The following FBLN2 variants were observed in gnomAD, a reference collection of about 807,000 sequenced individuals.
The protein encoded by FBLN2 is fibulin 2, also known as fibulin-2.
A neutral mutation model predicts 123.7 loss-of-function variants in FBLN2; 81 were observed. The observed-to-expected ratio is 0.65, with a 90% CI of 0.55 to 0.79. FBLN2 has a LOEUF of 0.79. Ranked by LOEUF, FBLN2 falls within the 30% of genes least tolerant of loss-of-function variation. The pLI, the probability that FBLN2 is intolerant of heterozygous loss-of-function variation, is 0.00. For missense variants in FBLN2, 1,603 were observed against 1,681.3 expected (o/e 0.95, Z 0.81); for synonymous variants, 699 against 701.4 (o/e 1.00, Z 0.05).
At chr3:13,606,642 A>G (rs537675482) in intron 2 of FBLN2, among the ~76,000 whole-genome samples, 131 of 148,766 alleles carry the variant, frequency 8.8e-4, no homozygotes, top group Non-Finnish European at 8.6e-4. Context: ...TATATGTTAT[A>G]TATATTATAT....
chr3:13,572,474 C>A (rs879744353), intron 2 of FBLN2, among the ~76,000 whole-genome samples: 1 of 152,258 alleles, frequency 6.6e-6, no homozygotes, highest in Non-Finnish European at 1.5e-5. Flanking sequence ...CTGGAAGGCC[C>A]TGGAGCCTGC....
At chr3:13,551,095 T>C (rs986722280) in intron 1 of FBLN2, among the ~76,000 whole-genome samples, 3 of 152,192 alleles carry the variant, frequency 2.0e-5, no homozygotes, top group African/African-American at 7.2e-5. Context: ...CTCTCATGCC[T>C]TCTCAGCTCC....
chr3:13,585,984 A>G (rs943125270), intron 2 of FBLN2, among the ~76,000 whole-genome samples: 5 of 152,168 alleles, frequency 3.3e-5, no homozygotes, highest in African/African-American at 9.7e-5. Flanking sequence ...ATAGTTAACT[A>G]TAAAACAGCC....
At chr3:13,552,950 C>G (rs1703364814) in intron 1 of FBLN2, among the ~76,000 whole-genome samples, 1 of 152,116 alleles carries the variant, frequency 6.6e-6, no homozygotes, top group African/African-American at 2.4e-5. Flanking sequence ...GCATGGGTTG[C>G]TCTGAAATGC....
At chr3:13,567,311 A>G (rs1298075411) in intron 1 of FBLN2, among the ~76,000 whole-genome samples, 2 of 152,162 alleles carry the variant, frequency 1.3e-5, no homozygotes, top group Non-Finnish European at 2.9e-5. Context: ...TAGGTGTGTG[A>G]TGCACCTGAA....
intron 5 of FBLN2, 99 bp downstream of exon 5, chr3:13,614,263 A>G: frequency 8.3e-7 from 1 of 1,200,008 alleles, no homozygotes; most frequent in South Asian, 1.5e-5. Context: ...CTGTGGCTTG[A>G]GACACAAGTT....
rs982735778 is a variant in FBLN2, at chr3:13,617,112, G to A, written c.1730-964G>A. Reference sequence around the variant, plus strand: ...GATGGGTTCATTCTTACTGCTTGAGGTCTGTTCATTCATTTGCCCATCCAT... The same window carrying A: ...GATGGGTTCATTCTTACTGCTTGAGATCTGTTCATTCATTTGCCCATCCAT... On this transcript the variant is annotated intron_variant, in intron 5 of 17. Transcript: ENST00000404922. Among the ~76,000 whole-genome samples, 3 of 151,206 alleles carry A rather than the reference G, an allele frequency of 2.0e-5. No individual in the cohort carries two copies. The East Asian group carries it at 5.8e-4, about 29-fold the overall frequency.
chr3:13,610,794 G>A lies in FBLN2; in HGVS notation c.1548+1152G>A, dbSNP rs114687016. ...GGAGTGAGAGGCTCCATGGTCATCA[G>A]GAATGGGGCACAGGCATAGTGGTCT... is the stretch of plus-strand genomic sequence containing the variant. On this transcript the variant is annotated intron_variant, in intron 4 of 17. Coordinates refer to ENST00000404922, the MANE Select transcript of FBLN2 (RefSeq NM_001004019.2). Among the ~76,000 whole-genome samples the A allele has an allele frequency of 3.7e-3, 570 of 152,220 alleles. 4 individuals carry two copies. The highest frequency in any genetic ancestry group is 0.013 in the African/African-American group (522 of 41,516).
chr3:13,587,010 T>C (rs7645710), intron 2 of FBLN2, among the ~76,000 whole-genome samples: 34,575 of 151,060 alleles, frequency 0.23, 5,439 homozygotes, highest in East Asian at 0.43. Flanking sequence ...CCGGTCACAG[T>C]GGCGCAGGGC....
chr3:13,633,512 G>A lies in FBLN2; in HGVS notation c.3214+2055G>A, dbSNP rs549528293. ...GCACAGTGGGGGCTGCCGGCTCCCC[G>A]GCCTCATCCATTTCACAGGTCACTC... On this transcript the variant is annotated intron_variant, in intron 16 of 17. Transcript: ENST00000404922. Among the ~76,000 whole-genome samples, 452 of 152,338 alleles carry A rather than the reference G, an allele frequency of 3.0e-3. 2 individuals carry two copies. Among genetic ancestry groups the A allele is most frequent in the Non-Finnish European group, 4.6e-3 (314 of 68,032 alleles).
chr3:13,632,289 C>T (rs564714871), intron 16 of FBLN2, among the ~76,000 whole-genome samples: 11 of 152,332 alleles, frequency 7.2e-5, no homozygotes, highest in Non-Finnish European at 1.3e-4. Flanking sequence ...CCCTTGGCGC[C>T]GCAGAGCTCA....
chr3:13,629,859 A>G lies in FBLN2; in HGVS notation c.2882A>G (p.Gln961Arg). The G allele has an allele frequency of 2.5e-6, 4 of 1,592,868 alleles. No homozygotes were observed. The highest frequency in any genetic ancestry group is 3.4e-6 in the Non-Finnish European group (4 of 1,170,636). The stretch of plus-strand genomic sequence containing the variant: ...TGGGCCTCGCCAGGCCGCCTGTGCC[A>G]GCACACGTGTGAGAACACACTCGGC... ...ECWASPGRLC[Q>R]HTCENTLGSY... Residue 961 changes from glutamine (Q) to arginine (R), a missense_variant, in exon 14 of 18, where the codon CAG (glutamine) becomes CGG (arginine). Coordinates refer to ENST00000404922, the MANE Select transcript of FBLN2 (RefSeq NM_001004019.2).
At chr3:13,621,229 T>C (rs1196296416) in intron 8 of FBLN2, among the ~76,000 whole-genome samples, 3 of 152,252 alleles carry the variant, frequency 2.0e-5, no homozygotes, top group Non-Finnish European at 2.9e-5. Context: ...CTCTGCTGCA[T>C]TGGAAATAAT....
intron 14 of FBLN2, 94 bp downstream of exon 14, chr3:13,630,039 C>A: frequency 2.6e-6 from 4 of 1,524,250 alleles, no homozygotes; most frequent in Non-Finnish European, 3.5e-6. Flanking sequence ...GACCCTTCAC[C>A]CTTACACCTT....
rs1023829814 is a variant in FBLN2, at chr3:13,605,069, G to T, written c.1307-2993G>T. 3.9e-5 allele frequency among the ~76,000 whole-genome samples: 6 copies of T among 152,214 alleles called. No individual in the cohort carries two copies. The East Asian group carries it at 1.2e-3, about 29-fold the overall frequency. Reference sequence around the variant, plus strand: ...CTGGAGGGAGGAGAAGCGGCTGTCAGTGGTAACGCTGAGATGTGGACCCAG... The same window carrying T: ...CTGGAGGGAGGAGAAGCGGCTGTCATTGGTAACGCTGAGATGTGGACCCAG... On this transcript the variant is annotated intron_variant, in intron 2 of 17. Coordinates refer to ENST00000404922, the MANE Select transcript of FBLN2 (RefSeq NM_001004019.2).
At position 13,598,537 on chromosome 3, in the gene FBLN2, G is replaced by A. The variant is rs947490264; in HGVS notation, c.1307-9525G>A. Among the ~76,000 whole-genome samples the A allele has an allele frequency of 2.0e-5, 3 of 152,194 alleles. No homozygotes were observed. The South Asian group carries it at 6.2e-4, about 32-fold the overall frequency. On this transcript the variant is annotated intron_variant, in intron 2 of 17. Coordinates refer to ENST00000404922, the MANE Select transcript of FBLN2 (RefSeq NM_001004019.2). ...TCTTCCTTGTCATTTCCCTAAGGCT[G>A]TGCCCCTGGGCTCCCTCTCTTAAAC... is the stretch of plus-strand genomic sequence containing the variant.
intron 2 of FBLN2, among the ~76,000 whole-genome samples, chr3:13,593,441 C>A (rs559687626): frequency 1.3e-5 from 2 of 152,036 alleles, no homozygotes; most frequent in African/African-American, 2.4e-5. Flanking sequence ...ATTGGCTGGG[C>A]GCAGTGGCTC....
chr3:13,563,472 A>C (rs1703664307), intron 1 of FBLN2, among the ~76,000 whole-genome samples: 1 of 152,116 alleles, frequency 6.6e-6, no homozygotes, highest in African/African-American at 2.4e-5. Context: ...GGTGCCCCCC[A>C]CACTGCATGG....
intron 2 of FBLN2, among the ~76,000 whole-genome samples, chr3:13,590,214 G>T (rs1226864371): frequency 6.6e-6 from 1 of 152,090 alleles, no homozygotes; most frequent in African/African-American, 2.4e-5. Context: ...TACCTATGTT[G>T]CCCAGCTGGG....
Sources: gnomAD v4.1 joint callset for allele counts (sites outside exome capture counted in the v4.1 genomes callset) on GRCh38, gnomAD v4.1.1 for gene constraint, MANE v1.5 for transcripts, NCBI Gene and HGNC (gene_info 2026-07-23, HGNC 2026-07-21) for gene names.